IGLON5: variants seen among roughly 807,000 people sequenced by gnomAD.
IGLON5 encodes the protein Ig-like domain-containing protein ENSP00000270642.
IGLON5 carries 16 observed loss-of-function variants against 38.2 expected under a neutral mutation model. The observed-to-expected ratio is 0.42, with a 90% CI of 0.28 to 0.64. The LOEUF is 0.64. Among genes scored for constraint, IGLON5 ranks in the 30% least tolerant of loss-of-function variants. IGLON5 has a pLI of 0.23. For missense variants in IGLON5, 366 were observed against 483.4 expected (o/e 0.76, Z 2.28); for synonymous variants, 207 against 216.4 (o/e 0.96, Z 0.38).
At position 51,313,074 on chromosome 19, in the gene IGLON5, C is replaced by A. The variant is rs142483291; in HGVS notation, c.79+1148C>A. ...TCTCAGAGAGGCCGCCCGCATAGAC[C>A]AAGTCTGGCACAGAAACCCCGTCAC... On this transcript the variant is annotated intron_variant, in intron 1 of 7. Coordinates refer to ENST00000270642, the MANE Select transcript of IGLON5 (RefSeq NM_001101372.3). Among the ~76,000 whole-genome samples, 275 of 152,280 alleles carry A rather than the reference C, an allele frequency of 1.8e-3. 2 individuals are homozygous for A. The highest frequency in any genetic ancestry group is 5.6e-3 in the African/African-American group (234 of 41,542).
chr19:51,319,295 G>A (rs976762440), intron 1 of IGLON5, among the ~76,000 whole-genome samples: 4 of 94,280 alleles, frequency 4.2e-5, no homozygotes, highest in Admixed American at 2.4e-4. Context: ...CCAATTCCCT[G>A]TGTGTGTGCG....
intron 2 of IGLON5, among the ~76,000 whole-genome samples, chr19:51,323,190 C>G (rs937472459): frequency 6.7e-6 from 1 of 149,020 alleles, no homozygotes; most frequent in Admixed American, 6.7e-5. Flanking sequence ...GGGTCTCTCT[C>G]TCTCTCTCTT....
rs12104168 is a variant in IGLON5, at chr19:51,325,763, C to G, written c.511+298C>G. On this transcript the variant is annotated intron_variant, in intron 4 of 7. Coordinates refer to ENST00000270642, the MANE Select transcript of IGLON5 (RefSeq NM_001101372.3). The surrounding 1 kb of genome is among the most constrained non-coding windows in gnomAD (Gnocchi z 5.5). ...TCCCCGATGTCTCCCCACGCGCTCA[C>G]AGCATTCTCCTGGGCTGAGATCCCC... Among the ~76,000 whole-genome samples, 1,870 of 152,250 alleles carry G rather than the reference C, an allele frequency of 0.012. 33 individuals are homozygous for G. The highest frequency in any genetic ancestry group is 0.042 in the African/African-American group (1,763 of 41,540).
intron 1 of IGLON5, among the ~76,000 whole-genome samples, chr19:51,316,654 C>T (rs943497019): frequency 2.6e-5 from 4 of 151,770 alleles, no homozygotes; most frequent in Non-Finnish European, 4.4e-5. Context: ...CCACCATGCC[C>T]GGCTAATTTT....
intron 1 of IGLON5, among the ~76,000 whole-genome samples, chr19:51,313,647 T>TTTCTTTCTTTC (rs1984831615): frequency 2.6e-4 from 30 of 116,160 alleles, no homozygotes; most frequent in Admixed American, 1.8e-3. Flanking sequence ...CTCTCTCTCT[T>TTTCTTTCTTTC]TTTCTTTCTT....
chr19:51,315,352 A>G (rs10419464), intron 1 of IGLON5, among the ~76,000 whole-genome samples: 27,740 of 152,068 alleles, frequency 0.18, 5,224 homozygotes, highest in African/African-American at 0.48. Flanking sequence ...TCTGAGCTCC[A>G]GGTTCATCTG....
At position 51,327,586 on chromosome 19, in the gene IGLON5, G is replaced by T; in HGVS notation, c.768-146G>T. On this transcript the variant is annotated intron_variant, in intron 6 of 7. Transcript: ENST00000270642. This position sits in a 1 kb window ranked among gnomAD's most constrained non-coding sequence, Gnocchi z 7.1. ...GGGGGCGGCGGTGGGAGTGACCCGAGGTACATGAGGTGCTAGAACCCGAGG... is the reference window on the plus strand; with the variant it reads ...GGGGGCGGCGGTGGGAGTGACCCGATGTACATGAGGTGCTAGAACCCGAGG... The T allele has an allele frequency of 8.4e-7, 1 of 1,186,348 alleles. No homozygotes were observed. Among genetic ancestry groups the T allele is most frequent in the Non-Finnish European group, 1.2e-6 (1 of 862,166 alleles). The allele number at this position is 1,186,348 out of a possible 1,614,324, so 73.5% of individuals were successfully genotyped here.
chr19:51,326,885 G>A lies in IGLON5; in HGVS notation c.633G>A (p.Leu211=). Residue 211 remains leucine, a synonymous_variant, in exon 5 of 8, where the codon CTG becomes CTA. Transcript: ENST00000270642. ...VNSAPDSRRV[L]VTVNYPPTIT... ...CGGCGCCCGACAGCCGCCGCGTGCT[G>A]GTCACAGTCAACTGTGAGCCCCCCT... 1 of 1,568,380 alleles carries A rather than the reference G, an allele frequency of 6.4e-7. No individual in the cohort carries two copies. Among genetic ancestry groups the A allele is most frequent in the East Asian group, 2.4e-5 (1 of 42,346 alleles).
intron 1 of IGLON5, among the ~76,000 whole-genome samples, chr19:51,314,773 G>A (rs1984874597): frequency 6.6e-6 from 1 of 152,180 alleles, no homozygotes; most frequent in Non-Finnish European, 1.5e-5. Context: ...TCATGATCTT[G>A]TCCAAGTTAC....
chr19:51,327,282 G>A lies in IGLON5; in HGVS notation c.767+82G>A, dbSNP rs1389230276. On this transcript the variant is annotated intron_variant, in intron 6 of 7. Coordinates refer to ENST00000270642, the MANE Select transcript of IGLON5 (RefSeq NM_001101372.3). The surrounding 1 kb of genome is among the most constrained non-coding windows in gnomAD (Gnocchi z 7.1). Reference sequence around the variant, plus strand: ...CGATTGTGAGGCAGGGGGACGGAGCGGGGCGGGGGAAGGCAGCAGAGCTCT... The same window carrying A: ...CGATTGTGAGGCAGGGGGACGGAGCAGGGCGGGGGAAGGCAGCAGAGCTCT... 8 of 1,532,320 alleles carry A rather than the reference G, an allele frequency of 5.2e-6. No homozygotes were observed. The highest frequency in any genetic ancestry group is 1.2e-5 in the South Asian group (1 of 83,080). 94.9% of individuals were successfully genotyped at this position (1,532,320 alleles called of 1,614,324 possible).
intron 2 of IGLON5, among the ~76,000 whole-genome samples, chr19:51,322,587 T>C (rs1369953853): frequency 2.4e-5 from 2 of 84,178 alleles, no homozygotes; most frequent in African/African-American, 9.8e-5. Flanking sequence ...TCTCTCTCTC[T>C]CTCTCTCGCT....
intron 1 of IGLON5, among the ~76,000 whole-genome samples, chr19:51,319,504 G>A (rs1049749351): frequency 1.3e-5 from 2 of 152,054 alleles, no homozygotes; most frequent in Non-Finnish European, 2.9e-5. Context: ...CATGGTGCTC[G>A]CACCAGTGGT....
At chr19:51,320,573 T>C (rs1195739000) in intron 1 of IGLON5, among the ~76,000 whole-genome samples, 1 of 152,216 alleles carries the variant, frequency 6.6e-6, no homozygotes, top group African/African-American at 2.4e-5. Context: ...CTGCCTGCTG[T>C]GCTGAAGTGT....
intron 1 of IGLON5, among the ~76,000 whole-genome samples, chr19:51,316,902 C>T (rs1182713891): frequency 2.0e-5 from 3 of 152,066 alleles, no homozygotes; most frequent in African/African-American, 4.8e-5. Flanking sequence ...CAGCCAGAGC[C>T]GCACCCCCTC....
chr19:51,322,166 C>T, intron 2 of IGLON5, 24 bp downstream of exon 2: 1 of 1,574,758 alleles, frequency 6.4e-7, no homozygotes, highest in Non-Finnish European at 8.7e-7. Context: ...TGGGTGGGGA[C>T]TCAGATCTCA....
chr19:51,327,821 ACGG>A lies in IGLON5; in HGVS notation c.859_861del (p.Gly287del). 6.4e-7 allele frequency: 1 copy of A among 1,554,026 alleles called. No individual in the cohort carries two copies. Among genetic ancestry groups the A allele is most frequent in the South Asian group, 1.2e-5 (1 of 84,280 alleles). Reference sequence around the variant, plus strand: ...TTTGCCAACGTGAGCGCCCGGCATTACGGCAACTATACGTGTCGCGCCGCCAAC... The same window carrying A: ...TTTGCCAACGTGAGCGCCCGGCATTACAACTATACGTGTCGCGCCGCCAAC... On this transcript the variant is annotated inframe_deletion, in exon 7 of 8. Transcript: ENST00000270642. This position sits in a 1 kb window ranked among gnomAD's most constrained non-coding sequence, Gnocchi z 7.1.
intron 1 of IGLON5, among the ~76,000 whole-genome samples, chr19:51,313,291 G>T (rs1434571171): frequency 6.6e-6 from 1 of 151,916 alleles, no homozygotes; most frequent in Non-Finnish European, 1.5e-5. Context: ...ATCTCTTTAG[G>T]TCTTTGTGTC....
rs559821216 is a variant in IGLON5 at position 51,325,757 on chromosome 19, C to T, written c.511+292C>T. Reference sequence around the variant, plus strand: ...CCAGTGTCCCCGATGTCTCCCCACGCGCTCACAGCATTCTCCTGGGCTGAG... The same window carrying T: ...CCAGTGTCCCCGATGTCTCCCCACGTGCTCACAGCATTCTCCTGGGCTGAG... On this transcript the variant is annotated intron_variant, in intron 4 of 7. Transcript: ENST00000270642. This position sits in a 1 kb window ranked among gnomAD's most constrained non-coding sequence, Gnocchi z 5.5. Among the ~76,000 whole-genome samples, 1 of 152,252 alleles carries T rather than the reference C, an allele frequency of 6.6e-6. No homozygotes were observed. Among genetic ancestry groups the T allele is most frequent in the East Asian group, 1.9e-4 (1 of 5,156 alleles).
intron 1 of IGLON5, among the ~76,000 whole-genome samples, chr19:51,316,182 CAA>C (rs34549182): frequency 0.66 from 82,477 of 124,118 alleles, 25,384 homozygotes; most frequent in African/African-American, 0.74. Flanking sequence ...CCCATATCTA[CAA>C]AAAAAAAAAA....
Sources: allele counts gnomAD v4.1 joint callset (sites outside exome capture counted in the v4.1 genomes callset), GRCh38; gene constraint gnomAD v4.1.1; non-coding constraint Gnocchi (gnomAD v3.1); transcripts MANE v1.5; gene names NCBI Gene and HGNC (gene_info 2026-07-23, HGNC 2026-07-21).